LPIN1: variants seen among roughly 807,000 people sequenced by gnomAD.
The protein encoded by LPIN1 is lipin 1.
A neutral mutation model predicts 107.5 loss-of-function variants in LPIN1; 71 were observed. The ratio of observed to expected loss-of-function variants is 0.66; its 90% CI spans 0.55 to 0.80. LPIN1 has a LOEUF of 0.80. Among genes scored for constraint, LPIN1 ranks in the 30% least tolerant of loss-of-function variants. LPIN1 has a pLI of 0.00. For missense variants in LPIN1, 1,043 were observed against 1,160.6 expected, an observed-to-expected ratio of 0.90 and a Z score of 1.47; for synonymous variants, 445 against 452.6, an observed-to-expected ratio of 0.98 and a Z score of 0.21.
rs1662631201 is a variant in LPIN1 at position 11,697,222 on chromosome 2, G to A, written c.82-16534G>A. Among the ~76,000 whole-genome samples, 1 of 152,180 alleles carries A rather than the reference G, an allele frequency of 6.6e-6. No homozygotes were observed. Among genetic ancestry groups the A allele is most frequent in the Non-Finnish European group, 1.5e-5 (1 of 68,026 alleles). On this transcript the variant is annotated intron_variant, in intron 1 of 21. Transcript: ENST00000449576. This position sits in a 1 kb window ranked among gnomAD's most constrained non-coding sequence, Gnocchi z 4.6. ...CAAATAGGCAGCCCTGCAATCGGAG[G>A]GCTGCGTGCTCCCCCTGATCAGCCC... is the stretch of plus-strand genomic sequence containing the variant.
At chr2:11,699,848 G>A (rs1473937916) in intron 1 of LPIN1, among the ~76,000 whole-genome samples, 1 of 152,174 alleles carries the variant, frequency 6.6e-6, no homozygotes, top group Non-Finnish European at 1.5e-5. Context: ...ACGGGCTGGG[G>A]GAGGGAGAGG....
At chr2:11,746,738 G>A in intron 1 of LPIN1, 67 bp downstream of exon 1, 2 of 850,418 alleles carry the variant, frequency 2.4e-6, no homozygotes, top group Non-Finnish European at 2.8e-6. Flanking sequence ...TAGGCGGGGC[G>A]GGGCGCGGCG....
At chr2:11,760,430 G>A (rs904635867) in intron 1 of LPIN1, among the ~76,000 whole-genome samples, 6 of 152,252 alleles carry the variant, frequency 3.9e-5, no homozygotes, top group Admixed American at 6.5e-5. Context: ...CTGCAATCCC[G>A]GCACCTCAGG....
intron 1 of LPIN1, among the ~76,000 whole-genome samples, chr2:11,700,778 A>G (rs1377835111): frequency 1.3e-5 from 2 of 152,206 alleles, no homozygotes; most frequent in Non-Finnish European, 2.9e-5. Context: ...AGGTATAAGT[A>G]TACATGCCCA....
rs528077044 is a variant in LPIN1 at position 11,681,930 on chromosome 2, C to T, written c.81+4202C>T. Among the ~76,000 whole-genome samples, 4 of 152,304 alleles carry T rather than the reference C, an allele frequency of 2.6e-5. No homozygotes were observed. In the East Asian group the frequency reaches 7.7e-4, roughly 29 times the overall value. On this transcript the variant is annotated intron_variant, in intron 1 of 21. Coordinates refer to the LPIN1 transcript ENST00000449576. ...TGGAGCGCACGCCCCTGACGGTGGC[C>T]GGGTGTGGAGACAAACCCAGGGAAA...
intron 14 of LPIN1, among the ~76,000 whole-genome samples, chr2:11,796,433 G>A (rs1676727616): frequency 6.6e-6 from 1 of 152,122 alleles, no homozygotes; most frequent in Non-Finnish European, 1.5e-5. Context: ...GCTACAAACA[G>A]AAACCCACGT....
intron 18 of LPIN1, 101 bp from the exon 19 acceptor site, chr2:11,819,383 T>A: frequency 1.2e-6 from 1 of 812,712 alleles, no homozygotes. Context: ...TTTGAAGATT[T>A]GAGTTTTCTC....
chr2:11,787,223 G>A (rs1338469968), intron 11 of LPIN1, 56 bp downstream of exon 11: 17 of 1,182,334 alleles, frequency 1.4e-5, no homozygotes, highest in Middle Eastern at 1.9e-4. Flanking sequence ...TCTGTTTCAT[G>A]TTTTCAAATA....
chr2:11,773,338 A>T (rs1233947937), intron 4 of LPIN1, among the ~76,000 whole-genome samples: 1 of 152,166 alleles, frequency 6.6e-6, no homozygotes. Flanking sequence ...AGGTGGCACG[A>T]TGGGAGGATC....
At chr2:11,817,493 T>G (rs1680766756) in intron 18 of LPIN1, 2 of 152,256 alleles carry the variant, frequency 1.3e-5, no homozygotes, top group African/African-American at 4.8e-5. Context: ...ACAGTCCTCC[T>G]GGATTTTATC....
intron 1 of LPIN1, among the ~76,000 whole-genome samples, chr2:11,752,922 T>A (rs1304831957): frequency 6.6e-6 from 1 of 152,202 alleles, no homozygotes; most frequent in Non-Finnish European, 1.5e-5. Context: ...TCTAATTTAA[T>A]CGTGAGGCAA....
At chr2:11,708,260 C>T (rs753066797) in intron 1 of LPIN1, among the ~76,000 whole-genome samples, 1 of 152,124 alleles carries the variant, frequency 6.6e-6, no homozygotes, top group Non-Finnish European at 1.5e-5. Context: ...TGCACTGTGG[C>T]CTTCTCTTTG....
intron 1 of LPIN1, among the ~76,000 whole-genome samples, chr2:11,711,368 C>T (rs532419641): frequency 5.9e-5 from 9 of 152,258 alleles, no homozygotes; most frequent in Admixed American, 2.6e-4. Context: ...TATTAAGCAA[C>T]GTATAGATGA....
intron 1 of LPIN1, among the ~76,000 whole-genome samples, chr2:11,713,575 ATTC>A (rs1663541057): frequency 6.6e-6 from 1 of 152,130 alleles, no homozygotes; most frequent in Non-Finnish European, 1.5e-5. Context: ...CCGGTCACAC[ATTC>A]TTCTTCTTAA....
intron 1 of LPIN1, among the ~76,000 whole-genome samples, chr2:11,692,682 A>G (rs1008772015): frequency 1.3e-5 from 2 of 152,192 alleles, no homozygotes; most frequent in Non-Finnish European, 2.9e-5. Flanking sequence ...TCCCAGGTAC[A>G]TGGTGCTCTG....
chr2:11,800,940 T>C (rs1044465397), intron 14 of LPIN1, among the ~76,000 whole-genome samples: 1 of 152,228 alleles, frequency 6.6e-6, no homozygotes, highest in Non-Finnish European at 1.5e-5. Flanking sequence ...TTTAACGGGT[T>C]GTCTCTTCGC....
At chr2:11,798,037 G>GATCTGATGGTTTTACAAAC in intron 14 of LPIN1, among the ~76,000 whole-genome samples, 1 of 152,162 alleles carries the variant, frequency 6.6e-6, no homozygotes, top group East Asian at 1.9e-4. Flanking sequence ...GTTCTCACGA[G>GATCTGATGGTTTTACAAAC]ATCTGATGGT....
chr2:11,723,481 C>G (rs1196772246), upstream of LPIN1: 1 of 152,132 alleles, frequency 6.6e-6, no homozygotes, highest in Non-Finnish European at 1.5e-5. Flanking sequence ...CATGGTGAAA[C>G]CCCATCTCTA....
intron 14 of LPIN1, among the ~76,000 whole-genome samples, chr2:11,802,554 G>A (rs1677939911): frequency 1.3e-5 from 2 of 152,202 alleles, no homozygotes; most frequent in Admixed American, 1.3e-4. Flanking sequence ...TTGGCATGCA[G>A]TCTCAGATAG....
Sources: gnomAD v4.1 joint callset for allele counts (sites outside exome capture counted in the v4.1 genomes callset) on GRCh38, gnomAD v4.1.1 for gene constraint, Gnocchi (gnomAD v3.1) non-coding constraint, MANE v1.5 for transcripts, NCBI Gene and HGNC (gene_info 2026-07-23, HGNC 2026-07-21) for gene names.